The following TMEM178B variants were observed in gnomAD, a reference collection of about 807,000 sequenced individuals.
The protein encoded by TMEM178B is transmembrane protein 178B.
In TMEM178B, 5 loss-of-function variants were observed where a neutral mutation model predicts 31.0. The observed-to-expected ratio is 0.16, with a 90% CI of 0.08 to 0.34. The LOEUF is 0.34. Among genes scored for constraint, TMEM178B ranks in the 10% least tolerant of loss-of-function variants. TMEM178B has a pLI of 1.00. For synonymous variants in TMEM178B, 164 were observed against 164.0 expected (o/e 1.00, Z 0.00); for missense variants, 275 against 400.3 (o/e 0.69, Z 2.67).
intron 2 of TMEM178B, among the ~76,000 whole-genome samples, chr7:141,232,035 C>T (rs988314172): frequency 1.3e-5 from 2 of 152,140 alleles, no homozygotes; most frequent in South Asian, 4.1e-4. Flanking sequence ...CGTTCAGCTC[C>T]CACTTATAAG....
intron 2 of TMEM178B, among the ~76,000 whole-genome samples, chr7:141,314,506 C>G (rs375042566): frequency 6.6e-6 from 1 of 152,182 alleles, no homozygotes; most frequent in Non-Finnish European, 1.5e-5. Context: ...CCACCACATA[C>G]TCATTCCTCC....
chr7:141,361,079 G>C (rs1799910285), intron 2 of TMEM178B, among the ~76,000 whole-genome samples: 1 of 152,108 alleles, frequency 6.6e-6, no homozygotes, highest in Non-Finnish European at 1.5e-5. Context: ...GAAAGGTAGG[G>C]GCATCTCATG....
intron 2 of TMEM178B, among the ~76,000 whole-genome samples, chr7:141,310,493 T>C (rs1798889793): frequency 6.6e-6 from 1 of 152,196 alleles, no homozygotes; most frequent in Non-Finnish European, 1.5e-5. Context: ...TGTGCCATGG[T>C]GGTTTGCTGC....
chr7:141,140,027 G>A (rs113352932), intron 1 of TMEM178B, among the ~76,000 whole-genome samples: 9,068 of 152,166 alleles, frequency 0.06, 926 homozygotes, highest in African/African-American at 0.21. Context: ...CAGTCCCCCA[G>A]AGTGCTGGGA....
rs1444482952 is a variant in TMEM178B, at chr7:141,474,340, A to G, written c.*3554A>G. The G allele has an allele frequency of 6.6e-6, 1 of 152,144 alleles. No homozygotes were observed. 9.4% of individuals were successfully genotyped at this position (152,144 alleles called of 1,614,324 possible). On this transcript the variant is annotated 3_prime_UTR_variant, in exon 4 of 4. Coordinates refer to ENST00000565468, the MANE Select transcript of TMEM178B (RefSeq NM_001195278.2). ...CCTGCATCAACTTTGGTCAATTAAC[A>G]TAGACAAGTGATTCATCTGTAGAGA...
At chr7:141,480,581 CA>C (rs1338708062), downstream of TMEM178B, among the ~76,000 whole-genome samples, 1 of 152,206 alleles carries the variant, frequency 6.6e-6, no homozygotes, top group East Asian at 1.9e-4. Flanking sequence ...ACATGCTTCG[CA>C]TGTTGGGTGG....
intron 2 of TMEM178B, among the ~76,000 whole-genome samples, chr7:141,215,088 AG>A (rs920027214): frequency 1.3e-5 from 2 of 152,180 alleles, no homozygotes; most frequent in Non-Finnish European, 2.9e-5. Flanking sequence ...GGGGAAGCAT[AG>A]GAAGTGTCGA....
rs187371451 is a variant in TMEM178B, at chr7:141,126,610, T to C, written c.382+51918T>C. The stretch of plus-strand genomic sequence containing the variant: ...TGGAAAACCACTGGGAAAACACTGC[T>C]TTAGCAATGGGCCATCAGTGATGCT... On this transcript the variant is annotated intron_variant, in intron 1 of 3. Coordinates refer to ENST00000565468, the MANE Select transcript of TMEM178B (RefSeq NM_001195278.2). Among the ~76,000 whole-genome samples the C allele has an allele frequency of 1.2e-4, 19 of 152,318 alleles. 1 individual carries two copies. Among genetic ancestry groups the C allele is most frequent in the African/African-American group, 4.6e-4 (19 of 41,598 alleles).
At chr7:141,298,049 T>G (rs551309361) in intron 2 of TMEM178B, among the ~76,000 whole-genome samples, 1 of 152,196 alleles carries the variant, frequency 6.6e-6, no homozygotes, top group Non-Finnish European at 1.5e-5. Flanking sequence ...GATCACCATT[T>G]TAACTGGTGT....
chr7:141,428,785 T>C (rs1274508910), intron 2 of TMEM178B, among the ~76,000 whole-genome samples: 4 of 152,198 alleles, frequency 2.6e-5, no homozygotes, highest in African/African-American at 9.7e-5. Flanking sequence ...AAGTGTACTT[T>C]GCTTCCTTTC....
chr7:141,206,184 G>A (rs1427216412), intron 1 of TMEM178B, among the ~76,000 whole-genome samples: 1 of 152,188 alleles, frequency 6.6e-6, no homozygotes, highest in Non-Finnish European at 1.5e-5. Flanking sequence ...GTCATGCTAT[G>A]TTTGGGTCTT....
intron 1 of TMEM178B, among the ~76,000 whole-genome samples, chr7:141,125,249 C>T (rs1795471549): frequency 6.6e-6 from 1 of 152,172 alleles, no homozygotes; most frequent in African/African-American, 2.4e-5. Flanking sequence ...TTTCAATTTG[C>T]TTTGGCTTAA....
At chr7:141,132,443 A>G (rs1299132941) in intron 1 of TMEM178B, among the ~76,000 whole-genome samples, 1 of 152,204 alleles carries the variant, frequency 6.6e-6, no homozygotes, top group Non-Finnish European at 1.5e-5. Context: ...ACATTTAGCA[A>G]TGTACTTATT....
Position 141,236,005 on chromosome 7 carries a change from G to A in TMEM178B, c.496+23301G>A, listed in dbSNP as rs906818775. On this transcript the variant is annotated intron_variant, in intron 2 of 3. Transcript: ENST00000565468. Reference sequence around the variant, plus strand: ...TTCTGATGAGAGCAAACAGAGGAGTGTAACAGGGATTTTCTTCTCTCTGCT... The same window carrying A: ...TTCTGATGAGAGCAAACAGAGGAGTATAACAGGGATTTTCTTCTCTCTGCT... Among the ~76,000 whole-genome samples, 4 of 152,210 alleles carry A rather than the reference G, an allele frequency of 2.6e-5. No individual in the cohort carries two copies. The East Asian group carries it at 7.7e-4, about 29-fold the overall frequency.
intron 2 of TMEM178B, among the ~76,000 whole-genome samples, chr7:141,416,831 G>A (rs1801107116): frequency 1.3e-5 from 2 of 152,152 alleles, no homozygotes; most frequent in Non-Finnish European, 2.9e-5. Context: ...CAGACACAGA[G>A]TACATAACGA....
At chr7:141,456,719 T>TGCC (rs1801970592) in intron 3 of TMEM178B, among the ~76,000 whole-genome samples, 1 of 152,130 alleles carries the variant, frequency 6.6e-6, no homozygotes, top group Non-Finnish European at 1.5e-5. Context: ...CCCTACAGAT[T>TGCC]CTCCAAGTTT....
intron 2 of TMEM178B, among the ~76,000 whole-genome samples, chr7:141,302,474 G>A (rs1798745451): frequency 6.6e-6 from 1 of 152,166 alleles, no homozygotes; most frequent in Non-Finnish European, 1.5e-5. Flanking sequence ...AAGTAGAATG[G>A]TAGTTGCCAT....
chr7:141,162,419 T>G (rs1796191280), intron 1 of TMEM178B, among the ~76,000 whole-genome samples: 1 of 152,224 alleles, frequency 6.6e-6, no homozygotes, highest in Admixed American at 6.5e-5. Flanking sequence ...GGCTGACACC[T>G]GAACAATGTT....
chr7:141,114,840 CTCCAAGAGCTTCCCCT>C (rs1310877566), intron 1 of TMEM178B, among the ~76,000 whole-genome samples: 1 of 152,214 alleles, frequency 6.6e-6, no homozygotes, highest in Non-Finnish European at 1.5e-5. Flanking sequence ...TTTCCCTGTC[CTCCAAGAGCTTCCCCT>C]TTGATTGGAA....
Sources: allele counts gnomAD v4.1 joint callset (sites outside exome capture counted in the v4.1 genomes callset), GRCh38; gene constraint gnomAD v4.1.1; transcripts MANE v1.5; gene names NCBI Gene and HGNC (gene_info 2026-07-23, HGNC 2026-07-21).